PKD1: variants seen among roughly 807,000 people sequenced by gnomAD.
PKD1 encodes the protein polycystin-1.
In PKD1, 81 loss-of-function variants were observed where a neutral mutation model predicts 361.7. That is an observed-to-expected ratio of 0.22 (90% CI 0.19 to 0.27). The LOEUF (loss-of-function observed/expected upper bound fraction) is 0.27, where lower values mean the gene tolerates loss of function less well. PKD1 is among the 10% of genes least tolerant of loss of function. PKD1 has a pLI of 1.00. For synonymous variants in PKD1, 3,615 were observed against 2,818.3 expected, an observed-to-expected ratio of 1.28 and a Z score of -8.95; for missense variants, 6,399 against 6,118.3, an observed-to-expected ratio of 1.05 and a Z score of -1.53.
Position 2,118,153 on chromosome 16 carries a change from G to T in PKD1, c.839C>A (p.Pro280His). Reference protein sequence around the residue: ...PASPGATLVGPHGPLASGQLA... With the variant: ...PASPGATLVGHHGPLASGQLA... ...CTGGCCAGAGGCCAGAGGTCCGTGG[G>T]GCCCCACCAGGGTGGCCCCTGGGGA... The change falls in exon 5 of 46, where the codon CCC (proline) becomes CAC (histidine). Residue 280 changes from proline (P) to histidine (H), a missense_variant. Pro to His is a moderately conservative substitution (Grantham distance 77). Coordinates refer to ENST00000262304, the MANE Select transcript of PKD1 (RefSeq NM_001009944.3). This position sits in a 1 kb window ranked among gnomAD's most constrained non-coding sequence, Gnocchi z 6.0. 4 of 1,582,502 alleles carry T rather than the reference G, an allele frequency of 2.5e-6. No individual in the cohort carries two copies. Among genetic ancestry groups the T allele is most frequent in the Non-Finnish European group, 3.4e-6 (4 of 1,166,864 alleles).
rs1403854863 is a variant in PKD1 at position 2,113,041 on chromosome 16, C to T, written c.2986-78G>A. The T allele has an allele frequency of 9.0e-6, 13 of 1,452,256 alleles. No individual in the cohort carries two copies. The Admixed American group carries it at 2.2e-4, about 24-fold the overall frequency. 90.0% of individuals were successfully genotyped at this position (1,452,256 alleles called of 1,614,324 possible). A position where few individuals can be genotyped will look rare whatever the true frequency, so the allele number is the denominator to read the frequency against. ...GATTGGCGTCCCTCCCTCCACTCAC[C>T]CACAGCCATGGCAGCGTCCTCGGGC... is the stretch of plus-strand genomic sequence containing the variant. On this transcript the variant is annotated intron_variant, in intron 12 of 45. Transcript: ENST00000262304.
At chr16:2,121,778 C>T (rs1222318196) in intron 1 of PKD1, among the ~76,000 whole-genome samples, 1 of 152,164 alleles carries the variant, frequency 6.6e-6, no homozygotes, top group Non-Finnish European at 1.5e-5. Context: ...CTGCACACCA[C>T]CCCCCTGCTC....
rs752349510 is a variant in PKD1 at position 2,106,408 on chromosome 16, G to A, written c.7479C>T (p.Phe2493=). Reference sequence around the variant, plus strand: ...CAGGCCTGCACTCACCCGTGCATTCGAAGTGCACCTTGGTGGTGAGGGCGT... The same window carrying A: ...CAGGCCTGCACTCACCCGTGCATTCAAAGTGCACCTTGGTGGTGAGGGCGT... The part of the protein sequence containing the change: ...AVHALTTKVH[F]ECTGWHDAED... The change falls in exon 18 of 46, where the codon TTC becomes TTT. Residue 2493 remains phenylalanine, a synonymous_variant. Transcript: ENST00000262304. The surrounding 1 kb of genome is among the most constrained non-coding windows in gnomAD (Gnocchi z 6.5). 3.8e-6 allele frequency: 6 copies of A among 1,589,684 alleles called. No homozygotes were observed. The highest frequency in any genetic ancestry group is 1.8e-5 in the Admixed American group (1 of 56,606).
At position 2,094,190 on chromosome 16, in the gene PKD1, T is replaced by G. The variant is rs756083543; in HGVS notation, c.10520A>C (p.Lys3507Thr). Residue 3507 changes from lysine (K) to threonine (T), a missense_variant, in exon 35 of 46, where the codon AAG becomes ACG. Coordinates refer to ENST00000262304, the MANE Select transcript of PKD1 (RefSeq NM_001009944.3). ...CCTCTGCAGCGCCAGCGTCTCTGTC[T>G]TCTCCCCAGGAGTGCTGGACCTGAG... ...LSSLSSTPGE[K>T]TETLALQRLG... 3 of 1,605,498 alleles carry G rather than the reference T, an allele frequency of 1.9e-6. No individual in the cohort carries two copies. Among genetic ancestry groups the G allele is most frequent in the Non-Finnish European group, 2.6e-6 (3 of 1,174,822 alleles).
chr16:2,090,137 C>T lies in PKD1; in HGVS notation c.12502G>A (p.Gly4168Ser). The T allele has an allele frequency of 1.9e-6, 3 of 1,596,418 alleles. No individual in the cohort carries two copies. The highest frequency in any genetic ancestry group is 1.3e-5 in the African/African-American group (1 of 74,752). Residue 4168 changes from glycine to serine, a missense_variant, in exon 46 of 46, where the codon GGC becomes AGC. Coordinates refer to ENST00000262304, the MANE Select transcript of PKD1 (RefSeq NM_001009944.3). ...MEPLPSRSSR[G>S]SKVSPDVPPP... is the part of the protein sequence containing the mutation. ...GGCACATCCGGGGATACCTTGGAGC[C>T]CCTGGAGGAGCGAGAGGGCAGCGGC...
At position 2,111,586 on chromosome 16, in the gene PKD1, T is replaced by A. The variant is rs756793194; in HGVS notation, c.3581A>T (p.Asn1194Ile). 47 of 1,574,958 alleles carry A rather than the reference T, an allele frequency of 3.0e-5. No individual in the cohort carries two copies. Among genetic ancestry groups the A allele is most frequent in the Non-Finnish European group, 4.0e-5 (46 of 1,161,462 alleles). The change falls in exon 15 of 46, where the codon AAC becomes ATC. Residue 1194 changes from asparagine (N) to isoleucine (I), a missense_variant. By Grantham distance (149) the Asn-to-Ile change is moderately radical. Transcript: ENST00000262304. ...GGCCGCCGCACCGCTCACCGTGTTG[T>A]TGACCTCCAGGCGCACGTGGTAGGT... ...RGTYHVRLEV[N>I]NTVSGAAAQA...
intron 1 of PKD1, among the ~76,000 whole-genome samples, chr16:2,120,680 C>A (rs1229737022): frequency 1.3e-5 from 2 of 151,496 alleles, no homozygotes; most frequent in African/African-American, 4.9e-5. Context: ...CCAGCCTGGG[C>A]GACAGAGCAA....
At chr16:2,117,358 C>A (rs1455741411) in intron 6 of PKD1, 131 bp downstream of exon 6, 4 of 674,438 alleles carry the variant, frequency 5.9e-6, no homozygotes, top group Non-Finnish European at 1.0e-5. Context: ...CCCCACCGGC[C>A]GGCGCCACCT....
At chr16:2,124,208 G>A (rs907003718) in intron 1 of PKD1, among the ~76,000 whole-genome samples, 2 of 152,248 alleles carry the variant, frequency 1.3e-5, no homozygotes, top group African/African-American at 4.8e-5. Flanking sequence ...CCACGTCCCA[G>A]GGCTGTGGGC....
chr16:2,100,614 C>T lies in PKD1; in HGVS notation c.9398-48G>A, dbSNP rs757681320. On this transcript the variant is annotated intron_variant, in intron 26 of 45. Coordinates refer to ENST00000262304, the MANE Select transcript of PKD1 (RefSeq NM_001009944.3). The surrounding 1 kb of genome is among the most constrained non-coding windows in gnomAD (Gnocchi z 4.4). ...GGGAGGCTCGGTCTGCTGCCCAACA[C>T]GTGTGGCATCCCAGGCAAGTCATCT... The T allele has an allele frequency of 2.0e-5, 31 of 1,513,658 alleles. No individual in the cohort carries two copies. Among genetic ancestry groups the T allele is most frequent in the African/African-American group, 4.1e-5 (3 of 72,988 alleles). 93.8% of individuals were successfully genotyped at this position (1,513,658 alleles called of 1,614,324 possible).
At chr16:2,126,007 G>T (rs901971588) in intron 1 of PKD1, among the ~76,000 whole-genome samples, 22 of 131,208 alleles carry the variant, frequency 1.7e-4, no homozygotes, top group African/African-American at 2.6e-4. Flanking sequence ...AGGATGGTGG[G>T]GGGGGGGGCA....
chr16:2,102,092 G>T lies in PKD1; in HGVS notation c.9366C>A (p.Ile3122=). The T allele has an allele frequency of 6.4e-7, 1 of 1,571,878 alleles. No individual in the cohort carries two copies. Among genetic ancestry groups the T allele is most frequent in the Admixed American group, 1.8e-5 (1 of 57,070 alleles). ...CCCGGCCCCAGCCTGTCTTGACGAG[G>T]ATCTCGTACTTGAAGCGGCCCCGCT... is the stretch of plus-strand genomic sequence containing the variant. ...CGQRGRFKYE[I]LVKTGWGRGS... The change falls in exon 26 of 46, where the codon ATC becomes ATA. Residue 3122 remains isoleucine (I), a synonymous_variant. Transcript: ENST00000262304.
Position 2,100,343 on chromosome 16 carries a change from G to C in PKD1, c.9569-34C>G. The C allele has an allele frequency of 6.2e-7, 1 of 1,610,454 alleles. No homozygotes were observed. The highest frequency in any genetic ancestry group is 8.5e-7 in the Non-Finnish European group (1 of 1,179,322). On this transcript the variant is annotated intron_variant, in intron 27 of 45. Transcript: ENST00000262304. The surrounding 1 kb of genome is among the most constrained non-coding windows in gnomAD (Gnocchi z 4.4). ...GCGCAGGAGGGAGGTCAGGCTCGCAGGGCGCCCCAATGCGGGGGCAGAGGG... is the reference window on the plus strand; with the variant it reads ...GCGCAGGAGGGAGGTCAGGCTCGCACGGCGCCCCAATGCGGGGGCAGAGGG...
chr16:2,097,521 C>T lies in PKD1; in HGVS notation c.10221-18G>A, dbSNP rs373992656. ...ACACCAGACTGCAGGTGGCGCGGGT[C>T]AGCAAGGTACCAGGGGATGTGTCAC... On this transcript the variant is annotated intron_variant, in intron 32 of 45. Coordinates refer to ENST00000262304, the MANE Select transcript of PKD1 (RefSeq NM_001009944.3). 53 of 1,601,642 alleles carry T rather than the reference C, an allele frequency of 3.3e-5. No homozygotes were observed. The African/African-American group carries it at 6.7e-4, about 20-fold the overall frequency.
intron 10 of PKD1, chr16:2,115,147 T>A (rs1241845380): frequency 2.6e-5 from 23 of 882,774 alleles, no homozygotes; most frequent in Non-Finnish European, 3.0e-5. Context: ...AAGGAGCAGC[T>A]GTGCTGGGAG....
intron 1 of PKD1, among the ~76,000 whole-genome samples, chr16:2,127,671 T>G (rs1256100108): frequency 6.6e-6 from 1 of 151,570 alleles, no homozygotes; most frequent in Admixed American, 6.6e-5. Flanking sequence ...TGCCAGTGGC[T>G]GAGCCAGGTC....
At chr16:2,093,446 A>C in intron 37 of PKD1, 98 bp downstream of exon 37, 1 of 1,155,860 alleles carries the variant, frequency 8.7e-7, no homozygotes, top group Non-Finnish European at 1.2e-6. Context: ...GGGCCTTCTG[A>C]GGTGAGGAAA....
At chr16:2,113,913 G>C in intron 11 of PKD1, 1 of 568,522 alleles carries the variant, frequency 1.8e-6, no homozygotes, top group Non-Finnish European at 3.2e-6. Context: ...TGAGGTCAGG[G>C]AGCAGAGTTT....
intron 1 of PKD1, among the ~76,000 whole-genome samples, chr16:2,133,529 C>G (rs970053860): frequency 6.6e-6 from 1 of 150,446 alleles, no homozygotes; most frequent in Non-Finnish European, 1.5e-5. Flanking sequence ...TGGGGAAAAC[C>G]CAGCCGTCTC....
Sources: allele counts gnomAD v4.1 joint callset (sites outside exome capture counted in the v4.1 genomes callset), GRCh38; gene constraint gnomAD v4.1.1; non-coding constraint Gnocchi (gnomAD v3.1); transcripts MANE v1.5; gene names NCBI Gene and HGNC (gene_info 2026-07-23, HGNC 2026-07-21).